SENP5: variants seen among roughly 807,000 people sequenced by gnomAD.
The protein encoded by SENP5 is sentrin-specific protease 5.
A neutral mutation model predicts 74.2 loss-of-function variants in SENP5; 21 were observed. The observed-to-expected ratio is 0.28, with a 90% confidence interval of 0.20 to 0.41. The LOEUF is 0.41. Ranked by LOEUF, SENP5 falls within the 10% of genes least tolerant of loss-of-function variation. The probability of loss-of-function intolerance (pLI) is 1.00; values close to 1 mark genes in which losing one functional copy is unlikely to be tolerated. For missense variants in SENP5, 717 were observed against 889.1 expected (o/e 0.81, Z 2.46); for synonymous variants, 311 against 312.7 (o/e 0.99, Z 0.06).
intron 6 of SENP5, chr3:196,914,582 A>ATATATATATATATAT (rs1217677663): frequency 7.6e-5 from 5 of 65,890 alleles, no homozygotes; most frequent in African/African-American, 2.8e-4. Flanking sequence ...AAAAAAAAAA[A>ATATATATATATATAT]AAAAATATAT....
chr3:196,892,364 C>T (rs1472874293), intron 2 of SENP5, among the ~76,000 whole-genome samples: 2 of 151,730 alleles, frequency 1.3e-5, no homozygotes, highest in Non-Finnish European at 2.9e-5. Context: ...CCAGGCTGGT[C>T]TTGAACTCCT....
chr3:196,903,017 T>G (rs1254384848), intron 5 of SENP5, among the ~76,000 whole-genome samples: 1 of 152,220 alleles, frequency 6.6e-6, no homozygotes, highest in Non-Finnish European at 1.5e-5. Context: ...ATTCAGGTAG[T>G]CTATTTACTG....
intron 2 of SENP5, among the ~76,000 whole-genome samples, chr3:196,894,620 C>T (rs1714364305): frequency 1.3e-5 from 2 of 151,400 alleles, no homozygotes; most frequent in South Asian, 4.2e-4. Flanking sequence ...GAGTGATTTG[C>T]TCTTTTCCCT....
intron 2 of SENP5, among the ~76,000 whole-genome samples, chr3:196,889,328 C>G (rs1714109807): frequency 6.6e-6 from 1 of 152,056 alleles, no homozygotes; most frequent in Admixed American, 6.5e-5. Context: ...TGCCAGTTAA[C>G]CTTTATAGAT....
chr3:196,923,962 A>C (rs890526728), intron 7 of SENP5, among the ~76,000 whole-genome samples: 1 of 152,238 alleles, frequency 6.6e-6, no homozygotes, highest in African/African-American at 2.4e-5. Context: ...AATCAAGAAA[A>C]ATGAGTAGGT....
At chr3:196,905,594 G>A (rs2108842252) in intron 6 of SENP5, among the ~76,000 whole-genome samples, 1 of 152,240 alleles carries the variant, frequency 6.6e-6, no homozygotes, top group South Asian at 2.1e-4. Context: ...TATTATATAG[G>A]ATATTACAAA....
intron 2 of SENP5, among the ~76,000 whole-genome samples, chr3:196,894,547 T>A (rs891241250): frequency 2.0e-4 from 30 of 151,612 alleles, no homozygotes; most frequent in African/African-American, 5.8e-4. Context: ...TTTTTTTTTT[T>A]AAATTTATTC....
chr3:196,917,760 C>G (rs899440698), intron 6 of SENP5, among the ~76,000 whole-genome samples: 1 of 152,150 alleles, frequency 6.6e-6, no homozygotes. Context: ...CAAACAAAAG[C>G]TGTGAGGGAT....
intron 6 of SENP5, among the ~76,000 whole-genome samples, chr3:196,910,827 A>G (rs1372114247): frequency 1.3e-5 from 2 of 152,218 alleles, no homozygotes; most frequent in Admixed American, 6.5e-5. Context: ...AAACTATACT[A>G]CAAGGCTACA....
At chr3:196,921,519 T>G (rs928340505) in intron 6 of SENP5, among the ~76,000 whole-genome samples, 1 of 152,236 alleles carries the variant, frequency 6.6e-6, no homozygotes, top group African/African-American at 2.4e-5. Flanking sequence ...AAATCTGTTT[T>G]ACAATGTAGA....
At chr3:196,890,483 T>C (rs1232718278) in intron 2 of SENP5, among the ~76,000 whole-genome samples, 1 of 152,190 alleles carries the variant, frequency 6.6e-6, no homozygotes, top group African/African-American at 2.4e-5. Context: ...TGATGAAATA[T>C]GAGTGTAAGA....
At chr3:196,891,951 C>G (rs62410819) in intron 2 of SENP5, among the ~76,000 whole-genome samples, 1 of 151,658 alleles carries the variant, frequency 6.6e-6, no homozygotes, top group East Asian at 1.9e-4. Context: ...CCACCACGCC[C>G]GGCTAATTTT....
chr3:196,915,624 TTGTGACCCAGTCCAG>T (rs1715335661), intron 6 of SENP5, among the ~76,000 whole-genome samples: 1 of 152,168 alleles, frequency 6.6e-6, no homozygotes, highest in South Asian at 2.1e-4. Context: ...CTGTGTTCAG[TTGTGACCCAGTCCAG>T]TGCCAGCTGT....
chr3:196,888,572 A>C (rs1000441145), intron 2 of SENP5, among the ~76,000 whole-genome samples: 1 of 148,184 alleles, frequency 6.7e-6, no homozygotes, highest in African/African-American at 2.5e-5. Flanking sequence ...CGACAGAGCG[A>C]GACTCTCTCA....
chr3:196,885,623 G>T lies in SENP5; in HGVS notation c.442G>T (p.Ala148Ser). 5.0e-6 allele frequency: 8 copies of T among 1,614,204 alleles called. No individual in the cohort carries two copies. The highest frequency in any genetic ancestry group is 6.8e-6 in the Non-Finnish European group (8 of 1,180,050). ...AGTTACTGACTTTCCATCAAATAGT[G>T]CTTTAGGTCAGGCCAATGGTCACAG... ...KAVTDFPSNS[A>S]LGQANGHRPR... The change falls in exon 2 of 10, where the codon GCT becomes TCT. Residue 148 changes from alanine (A) to serine (S), a missense_variant. Ala to Ser is a moderately conservative substitution (Grantham distance 99). This residue lies in a region of SENP5 where 567 missense variants were observed against 577.4 expected (regional missense o/e 0.98). Coordinates refer to ENST00000323460, the MANE Select transcript of SENP5 (RefSeq NM_152699.5).
chr3:196,920,359 A>G (rs1376327365), intron 6 of SENP5, among the ~76,000 whole-genome samples: 7 of 152,358 alleles, frequency 4.6e-5, no homozygotes, highest in Non-Finnish European at 8.8e-5. Context: ...TTGTTTGTAT[A>G]TAGAAATACA....
chr3:196,885,995 A>G lies in SENP5; in HGVS notation c.814A>G (p.Thr272Ala), dbSNP rs1005906945. Residue 272 changes from threonine (T) to alanine (A), a missense_variant, in exon 2 of 10, where the codon ACT becomes GCT. By Grantham distance (58) the Thr-to-Ala change is moderately conservative (BLOSUM62 0). This residue lies in a region of SENP5 where 567 missense variants were observed against 577.4 expected (regional missense o/e 0.98). Transcript: ENST00000323460. Reference protein sequence around the residue: ...KAQRSWVQKVTGDHQETRREN... With the variant: ...KAQRSWVQKVAGDHQETRREN... ...CCAGCGAAGCTGGGTACAGAAAGTC[A>G]CTGGGGACCATCAAGAGACCCGTAG... is the stretch of plus-strand genomic sequence containing the variant. 17 of 1,614,108 alleles carry G rather than the reference A, an allele frequency of 1.1e-5. No individual in the cohort carries two copies. Among genetic ancestry groups the G allele is most frequent in the Admixed American group, 1.0e-4 (6 of 59,994 alleles).
intron 6 of SENP5, chr3:196,904,843 G>A (rs1458595861): frequency 6.6e-6 from 1 of 152,146 alleles, no homozygotes; most frequent in Non-Finnish European, 1.5e-5. Flanking sequence ...TTAAGCAGCA[G>A]GCAAGGAGTG....
intron 6 of SENP5, among the ~76,000 whole-genome samples, chr3:196,904,184 A>G (rs1714811374): frequency 6.6e-6 from 1 of 152,234 alleles, no homozygotes; most frequent in East Asian, 1.9e-4. Context: ...TTGCTATGGA[A>G]ACATCAGAAC....
Sources: allele counts gnomAD v4.1 joint callset (sites outside exome capture counted in the v4.1 genomes callset), GRCh38; gene constraint gnomAD v4.1.1; regional missense constraint gnomAD v4.1.1; transcripts MANE v1.5; gene names NCBI Gene and HGNC (gene_info 2026-07-23, HGNC 2026-07-21).